The following SLCO1A2 variants were observed in gnomAD, a reference collection of about 807,000 sequenced individuals.
SLCO1A2 encodes solute carrier organic anion transporter family member 1A2.
In SLCO1A2, 67 loss-of-function variants were observed where a neutral mutation model predicts 69.0. That is an observed-to-expected ratio of 0.97 (90% CI 0.80 to 1.19). The LOEUF (loss-of-function observed/expected upper bound fraction) is 1.19, where lower values mean the gene tolerates loss of function less well. Among genes scored for constraint, SLCO1A2 ranks in the 50% most tolerant of loss-of-function variants. The pLI is 0.00. For synonymous variants in SLCO1A2, 260 were observed against 265.9 expected (o/e 0.98, Z 0.22); for missense variants, 787 against 793.7 (o/e 0.99, Z 0.10).
In SLCO1A2 at chr12:21,265,436, A is replaced by G. The variant is rs1455534543; in HGVS notation, c.*4112T>C. The G allele has an allele frequency of 6.6e-6, 1 of 152,272 alleles. No homozygotes were observed. The highest frequency in any genetic ancestry group is 1.9e-4 in the East Asian group (1 of 5,188). 9.4% of individuals were successfully genotyped at this position (152,272 alleles called of 1,614,324 possible). A position where few individuals can be genotyped will look rare whatever the true frequency, so the allele number is the denominator to read the frequency against. On this transcript the variant is annotated 3_prime_UTR_variant, in exon 15 of 15. Transcript: ENST00000683939. Reference sequence around the variant, plus strand: ...TGATGGCATAAGGCCAGAAAGTAGAAGGTGCTCACTGTGTTTGGGTCACAG... The same window carrying G: ...TGATGGCATAAGGCCAGAAAGTAGAGGGTGCTCACTGTGTTTGGGTCACAG...
intron 1 of SLCO1A2, among the ~76,000 whole-genome samples, chr12:21,393,886 C>T (rs1394693126): frequency 1.3e-5 from 2 of 152,200 alleles, no homozygotes; most frequent in African/African-American, 4.8e-5. Context: ...CATGTAACTA[C>T]AGAGGGTTCA....
At chr12:21,311,887 C>CCCGGCGTGG (rs1164089589) in intron 4 of SLCO1A2, 1 of 90,342 alleles carries the variant, frequency 1.1e-5, no homozygotes, top group African/African-American at 5.6e-5. Flanking sequence ...GATCACGCCA[C>CCCGGCGTGG]TGCACTCGAG....
intron 2 of SLCO1A2, among the ~76,000 whole-genome samples, chr12:21,326,670 A>G (rs1952260717): frequency 2.0e-5 from 3 of 152,196 alleles, no homozygotes; most frequent in South Asian, 4.1e-4. Flanking sequence ...TTGCCCCTGC[A>G]CTAGAGATCA....
At chr12:21,328,462 A>G (rs952139283) in intron 2 of SLCO1A2, among the ~76,000 whole-genome samples, 5 of 152,088 alleles carry the variant, frequency 3.3e-5, no homozygotes, top group African/African-American at 1.2e-4. Flanking sequence ...ACAGACATCA[A>G]TCCTACTGCT....
chr12:21,346,509 A>G (rs1953256768), intron 2 of SLCO1A2, among the ~76,000 whole-genome samples: 1 of 152,032 alleles, frequency 6.6e-6, no homozygotes, highest in South Asian at 2.1e-4. Context: ...TTATTTTTAG[A>G]AGATATGTTA....
chr12:21,324,256 C>T (rs1952015067), intron 2 of SLCO1A2, among the ~76,000 whole-genome samples: 1 of 152,136 alleles, frequency 6.6e-6, no homozygotes, highest in Non-Finnish European at 1.5e-5. Context: ...GGCTGAAATC[C>T]AGTAACAAGT....
At chr12:21,360,331 A>G (rs1049573138) in intron 2 of SLCO1A2, among the ~76,000 whole-genome samples, 1 of 152,238 alleles carries the variant, frequency 6.6e-6, no homozygotes, top group Non-Finnish European at 1.5e-5. Flanking sequence ...TCCCTAAATG[A>G]AGGTGTAAAA....
At chr12:21,331,120 T>C (rs1952586607) in intron 2 of SLCO1A2, among the ~76,000 whole-genome samples, 1 of 152,130 alleles carries the variant, frequency 6.6e-6, no homozygotes, top group Non-Finnish European at 1.5e-5. Context: ...TAGACAAAAA[T>C]AATTTACCTT....
intron 9 of SLCO1A2, among the ~76,000 whole-genome samples, chr12:21,296,635 C>T (rs1181042672): frequency 6.6e-6 from 1 of 152,130 alleles, no homozygotes; most frequent in Non-Finnish European, 1.5e-5. Context: ...CCTCTCTGAA[C>T]CCTTCCCAAT....
chr12:21,306,710 C>G (rs1949443770), intron 5 of SLCO1A2, among the ~76,000 whole-genome samples, 172 bp downstream of exon 5: 2 of 152,146 alleles, frequency 1.3e-5, no homozygotes, highest in Admixed American at 1.3e-4. Context: ...AAATAACATT[C>G]TTTATTATTA....
intron 12 of SLCO1A2, among the ~76,000 whole-genome samples, chr12:21,282,903 A>C (rs1945068408): frequency 6.6e-6 from 1 of 152,172 alleles, no homozygotes; most frequent in African/African-American, 2.4e-5. Context: ...AAACTGTAAA[A>C]CATTGGTGCA....
At chr12:21,269,841 G>T in intron 14 of SLCO1A2, 74 bp from the exon 15 acceptor site, 2 of 1,178,790 alleles carry the variant, frequency 1.7e-6, no homozygotes, top group Non-Finnish European at 1.1e-6. Context: ...GTATATCTTT[G>T]TATTTTATTC....
chr12:21,266,267 A>T lies in SLCO1A2; in HGVS notation c.*3281T>A, dbSNP rs1591761411. ...CTTGTCTTTCTTATTGTTAGTACAG[A>T]CATAAGAGAATTTCCACGGAAAATC... is the stretch of plus-strand genomic sequence containing the variant. On this transcript the variant is annotated 3_prime_UTR_variant, in exon 15 of 15. Transcript: ENST00000683939. 6.6e-6 allele frequency: 1 copy of T among 152,280 alleles called. No homozygotes were observed. The highest frequency in any genetic ancestry group is 2.4e-5 in the African/African-American group (1 of 41,570). 9.4% of individuals were successfully genotyped at this position (152,280 alleles called of 1,614,324 possible).
At chr12:21,321,698 A>G (rs986401978) in intron 2 of SLCO1A2, among the ~76,000 whole-genome samples, 4 of 152,116 alleles carry the variant, frequency 2.6e-5, no homozygotes, top group African/African-American at 9.7e-5. Context: ...TCCAGTTTTA[A>G]TGCCTTTCTT....
intron 1 of SLCO1A2, among the ~76,000 whole-genome samples, chr12:21,413,376 G>T (rs1265931108): frequency 2.0e-5 from 3 of 151,092 alleles, no homozygotes; most frequent in African/African-American, 7.3e-5. Flanking sequence ...TGAGTAGGTG[G>T]GACTACAGGC....
intron 12 of SLCO1A2, among the ~76,000 whole-genome samples, chr12:21,279,840 A>T (rs1944481599): frequency 6.6e-6 from 1 of 152,236 alleles, no homozygotes; most frequent in Non-Finnish European, 1.5e-5. Flanking sequence ...AACTACTCTT[A>T]ACTAGGAAGA....
At chr12:21,273,628 T>C (rs1420630296) in intron 14 of SLCO1A2, among the ~76,000 whole-genome samples, 4 of 152,112 alleles carry the variant, frequency 2.6e-5, no homozygotes, top group Non-Finnish European at 5.9e-5. Context: ...CAACCCTCAA[T>C]AGTGACCCTT....
chr12:21,281,478 T>C (rs1303003533), intron 12 of SLCO1A2, among the ~76,000 whole-genome samples: 1 of 149,942 alleles, frequency 6.7e-6, no homozygotes, highest in African/African-American at 2.5e-5. Flanking sequence ...AAAAAACCAA[T>C]AATGCATATT....
At chr12:21,312,545 C>T (rs1429207854) in intron 4 of SLCO1A2, among the ~76,000 whole-genome samples, 1 of 152,336 alleles carries the variant, frequency 6.6e-6, no homozygotes, top group East Asian at 1.9e-4. Context: ...TTCTGAATTT[C>T]AACTTGCCCT....
Sources: allele counts gnomAD v4.1 joint callset (sites outside exome capture counted in the v4.1 genomes callset), GRCh38; gene constraint gnomAD v4.1.1; transcripts MANE v1.5; gene names NCBI Gene and HGNC (gene_info 2026-07-23, HGNC 2026-07-21).